The following P2RY8 variants were observed in gnomAD, a reference collection of about 807,000 sequenced individuals.
P2RY8 encodes P2Y receptor family member 8.
P2RY8 carries 6 observed loss-of-function variants against 10.0 expected under a neutral mutation model. The observed-to-expected ratio is 0.60, with a 90% CI of 0.33 to 1.19. The LOEUF is 1.19. Ranked by LOEUF, P2RY8 falls within the 50% of genes most tolerant of loss-of-function variation. The pLI, the probability that P2RY8 is intolerant of heterozygous loss-of-function variation, is 0.04. For synonymous variants in P2RY8, 276 were observed against 252.5 expected (o/e 1.09, Z -0.88); for missense variants, 456 against 542.0 (o/e 0.84, Z 1.58).
chrX:1,510,508 G>T (rs1333780228), intron 1 of P2RY8, among the ~76,000 whole-genome samples: 1 of 152,130 alleles, frequency 6.6e-6, no homozygotes, highest in African/African-American at 2.4e-5. Flanking sequence ...ACTTTCTCCT[G>T]GTAAGAGACT....
intron 1 of P2RY8, among the ~76,000 whole-genome samples, chrX:1,521,205 C>T (rs1270793595): frequency 2.6e-5 from 4 of 151,698 alleles, no homozygotes; most frequent in East Asian, 3.9e-4. Context: ...TGCTCCACCA[C>T]GTCCAGCTAA....
intron 1 of P2RY8, among the ~76,000 whole-genome samples, chrX:1,526,280 C>T (rs2092439483): frequency 6.6e-6 from 1 of 151,846 alleles, no homozygotes; most frequent in South Asian, 2.1e-4. Context: ...TGCATCCATT[C>T]ATTCACTCAT....
chrX:1,480,446 A>G (rs5948909), intron 1 of P2RY8, among the ~76,000 whole-genome samples: 80,716 of 150,508 alleles, frequency 0.54, 21,838 homozygotes, highest in South Asian at 0.65. Context: ...TGGGGGCAGT[A>G]GTGCAATGAC....
At chrX:1,480,192 C>T (rs1160152371) in intron 1 of P2RY8, among the ~76,000 whole-genome samples, 1 of 152,210 alleles carries the variant, frequency 6.6e-6, no homozygotes, top group Non-Finnish European at 1.5e-5. Flanking sequence ...CTCATTCTCA[C>T]ACCCTCATCA....
intron 1 of P2RY8, among the ~76,000 whole-genome samples, chrX:1,473,369 G>A (rs1283698996): frequency 7.2e-5 from 7 of 97,148 alleles, no homozygotes; most frequent in Non-Finnish European, 1.5e-4. Context: ...TTCTGAATGG[G>A]TGAGTGGGTG....
chrX:1,512,949 C>A (rs1281415091), intron 1 of P2RY8, among the ~76,000 whole-genome samples: 2 of 151,964 alleles, frequency 1.3e-5, no homozygotes, highest in African/African-American at 2.4e-5. Flanking sequence ...GTTTGCTGCA[C>A]CTGTCAACCC....
At chrX:1,471,644 T>C (rs1237323333) in intron 1 of P2RY8, among the ~76,000 whole-genome samples, 2 of 152,012 alleles carry the variant, frequency 1.3e-5, no homozygotes, top group African/African-American at 4.8e-5. Flanking sequence ...AAAGCTGCTC[T>C]TCCCTCATTC....
intron 1 of P2RY8, among the ~76,000 whole-genome samples, chrX:1,492,151 C>G (rs1423961216): frequency 7.9e-5 from 12 of 152,040 alleles, no homozygotes; most frequent in Non-Finnish European, 1.5e-4. Flanking sequence ...TGGTCCAAGC[C>G]TTTCAATCAC....
chrX:1,482,331 G>A (rs1359199155), intron 1 of P2RY8, among the ~76,000 whole-genome samples: 1 of 151,806 alleles, frequency 6.6e-6, no homozygotes, highest in Non-Finnish European at 1.5e-5. Context: ...TGAGTGTGTG[G>A]CTCCTGCCCT....
chrX:1,486,390 A>G (rs182870829), intron 1 of P2RY8, among the ~76,000 whole-genome samples: 11 of 152,308 alleles, frequency 7.2e-5, no homozygotes, highest in African/African-American at 2.6e-4. Context: ...AGCCATGAAA[A>G]GGAAGAAGGC....
At chrX:1,482,693 T>C (rs1324546207) in intron 1 of P2RY8, among the ~76,000 whole-genome samples, 1 of 152,134 alleles carries the variant, frequency 6.6e-6, no homozygotes. Context: ...TTTCAACATA[T>C]GGCTAGTCAG....
intron 1 of P2RY8, among the ~76,000 whole-genome samples, chrX:1,508,753 T>TC (rs1178587091): frequency 4.1e-5 from 6 of 144,852 alleles, no homozygotes; most frequent in African/African-American, 1.5e-4. Flanking sequence ...TATCTATCTA[T>TC]TTCTATTATC....
At chrX:1,520,986 C>A (rs2092386043) in intron 1 of P2RY8, among the ~76,000 whole-genome samples, 1 of 150,954 alleles carries the variant, frequency 6.6e-6, no homozygotes, top group Non-Finnish European at 1.5e-5. Flanking sequence ...ATCTCCTTGG[C>A]CCCCAATCAT....
intron 1 of P2RY8, among the ~76,000 whole-genome samples, chrX:1,491,194 T>A (rs2092044801): frequency 6.6e-6 from 1 of 151,300 alleles, no homozygotes; most frequent in South Asian, 2.1e-4. Flanking sequence ...AGAGAATGAA[T>A]GAATGATACC....
Position 1,474,870 on chromosome X carries a change from A to T in P2RY8, c.-24-8288T>A, listed in dbSNP as rs751997270. Reference sequence around the variant, plus strand: ...GGTGGCTGGATAGATGAATAGGTGTATGGGTGTGTGGATGGATGGATGGAT... The same window carrying T: ...GGTGGCTGGATAGATGAATAGGTGTTTGGGTGTGTGGATGGATGGATGGAT... On this transcript the variant is annotated intron_variant, in intron 1 of 1. Transcript: ENST00000381297. Among the ~76,000 whole-genome samples, 436 of 133,810 alleles carry T rather than the reference A, an allele frequency of 3.3e-3. 1 individual carries two copies. The highest frequency in any genetic ancestry group is 0.012 in the African/African-American group (424 of 34,598). The allele number at this position is 133,810 out of a possible 152,430, so 87.8% of individuals were successfully genotyped here.
intron 1 of P2RY8, among the ~76,000 whole-genome samples, chrX:1,476,376 A>G (rs2091873437): frequency 1.3e-5 from 2 of 151,778 alleles, no homozygotes. Flanking sequence ...GGAGATGGAG[A>G]CCATCCTGGC....
At chrX:1,493,425 G>GGGGGA (rs1161678509) in intron 1 of P2RY8, among the ~76,000 whole-genome samples, 2 of 55,888 alleles carry the variant, frequency 3.6e-5, no homozygotes, top group South Asian at 8.5e-4. Flanking sequence ...AAGGAGGAAG[G>GGGGGA]AGGAGGGAGG....
At chrX:1,477,108 G>C (rs775681251) in intron 1 of P2RY8, among the ~76,000 whole-genome samples, 1 of 152,158 alleles carries the variant, frequency 6.6e-6, no homozygotes, top group East Asian at 1.9e-4. Flanking sequence ...AGAAGCACTT[G>C]GACCTGGGAG....
At chrX:1,527,193 C>A (rs2092445032) in intron 1 of P2RY8, among the ~76,000 whole-genome samples, 1 of 152,180 alleles carries the variant, frequency 6.6e-6, no homozygotes, top group Admixed American at 6.5e-5. Context: ...CCGCGCCCAG[C>A]CTATTCATTC....
Sources: gnomAD v4.1 joint callset for allele counts (sites outside exome capture counted in the v4.1 genomes callset) on GRCh38, gnomAD v4.1.1 for gene constraint, MANE v1.5 for transcripts, NCBI Gene and HGNC (gene_info 2026-07-23, HGNC 2026-07-21) for gene names.